Variants in ATF7IP observed in about 807,000 individuals in gnomAD.
The protein encoded by ATF7IP is activating transcription factor 7-interacting protein 1.
ATF7IP carries 23 observed loss-of-function variants against 106.4 expected under a neutral mutation model. The ratio of observed to expected loss-of-function variants is 0.22; its 90% CI spans 0.16 to 0.31. The LOEUF is 0.31. ATF7IP is among the 10% of genes least tolerant of loss of function. ATF7IP has a pLI of 1.00. For missense variants in ATF7IP, 1,334 were observed against 1,524.3 expected (o/e 0.88, Z 2.08); for synonymous variants, 542 against 539.0 (o/e 1.01, Z -0.08).
At chr12:14,461,530 C>G (rs1470163590) in intron 9 of ATF7IP, among the ~76,000 whole-genome samples, 1 of 152,096 alleles carries the variant, frequency 6.6e-6, no homozygotes, top group Non-Finnish European at 1.5e-5. Context: ...GTTCCTTACC[C>G]ATTTGGAAAA....
chr12:14,425,099 G>A lies in ATF7IP; in HGVS notation c.1184G>A (p.Gly395Asp). 3.8e-6 allele frequency: 6 copies of A among 1,589,476 alleles called. No individual in the cohort carries two copies. The highest frequency in any genetic ancestry group is 1.9e-5 in the Admixed American group (1 of 52,594). The change falls in exon 2 of 15, where the codon GGT becomes GAT. Residue 395 changes from glycine (G) to aspartate (D), a missense_variant. By Grantham distance (94) the Gly-to-Asp change is moderately conservative. Coordinates refer to ENST00000261168, the MANE Select transcript of ATF7IP (RefSeq NM_018179.5). ...TCTAGCAGTATGGAAATTGACCAAG[G>A]TGAAAAGAATGAAGATGAAACTTCT... ...AISSSMEIDQ[G>D]EKNEDETSAD...
At chr12:14,492,924 T>C (rs141742896) in intron 13 of ATF7IP, among the ~76,000 whole-genome samples, 4 of 152,328 alleles carry the variant, frequency 2.6e-5, no homozygotes, top group African/African-American at 9.6e-5. Context: ...CGCAAGGCAT[T>C]GGTCAAGGGT....
At chr12:14,477,892 ACTAT>A (rs1472711543) in intron 11 of ATF7IP, among the ~76,000 whole-genome samples, 2 of 152,226 alleles carry the variant, frequency 1.3e-5, no homozygotes, top group African/African-American at 2.4e-5. Flanking sequence ...ATGATAAGCA[ACTAT>A]CTGTTATCAA....
intron 1 of ATF7IP, among the ~76,000 whole-genome samples, chr12:14,378,386 C>G (rs1938851475): frequency 6.6e-6 from 1 of 152,170 alleles, no homozygotes; most frequent in Non-Finnish European, 1.5e-5. Context: ...GCGTGAGTCA[C>G]CATGCCCGGC....
intron 1 of ATF7IP, among the ~76,000 whole-genome samples, chr12:14,383,288 A>G (rs1039568656): frequency 6.6e-6 from 1 of 152,256 alleles, no homozygotes; most frequent in African/African-American, 2.4e-5. Flanking sequence ...CAGGATTTAC[A>G]TTGGAAAAGT....
intron 1 of ATF7IP, among the ~76,000 whole-genome samples, chr12:14,396,973 T>G (rs893709893): frequency 1.3e-5 from 2 of 151,962 alleles, no homozygotes; most frequent in Non-Finnish European, 2.9e-5. Flanking sequence ...CCAGCCTGAC[T>G]AACATGGTGA....
At chr12:14,456,098 TA>T (rs1356507300) in intron 6 of ATF7IP, among the ~76,000 whole-genome samples, 2 of 152,168 alleles carry the variant, frequency 1.3e-5, no homozygotes, top group Non-Finnish European at 2.9e-5. Context: ...AAAAACAACT[TA>T]AAAATAATTT....
Position 14,373,345 on chromosome 12 carries a change from T to G in ATF7IP, c.-8+7518T>G, listed in dbSNP as rs372328139. Among the ~76,000 whole-genome samples the G allele has an allele frequency of 9.8e-5, 15 of 152,328 alleles. No individual in the cohort carries two copies. The East Asian group carries it at 2.5e-3, about 25-fold the overall frequency. On this transcript the variant is annotated intron_variant, in intron 1 of 14. Transcript: ENST00000261168. ...TGTAACCATACAAAGTAAGACTGTT[T>G]AGAGTTTGTAAGTGGTTTTGCCTTA... is the stretch of plus-strand genomic sequence containing the variant.
chr12:14,398,675 T>A (rs929631380), intron 1 of ATF7IP, among the ~76,000 whole-genome samples: 14 of 152,062 alleles, frequency 9.2e-5, no homozygotes, highest in Non-Finnish European at 1.8e-4. Context: ...CATAGATTTA[T>A]TTCTGATTGT....
Position 14,500,883 on chromosome 12 carries a change from A to G in ATF7IP, c.*2810A>G, listed in dbSNP as rs550684126. The G allele has an allele frequency of 2.6e-5, 4 of 152,336 alleles. No individual in the cohort carries two copies. In the South Asian group the frequency reaches 8.3e-4, roughly 32 times the overall value. The allele number at this position is 152,336 out of a possible 1,614,324, so 9.4% of individuals were successfully genotyped here. On this transcript the variant is annotated 3_prime_UTR_variant, in exon 15 of 15. Coordinates refer to ENST00000261168, the MANE Select transcript of ATF7IP (RefSeq NM_018179.5). ...CTAAAAATATTTACTAAAGTAAAAT[A>G]ACTACTTAAAATGTTTTATTCCAGT...
chr12:14,481,345 A>G, intron 13 of ATF7IP, 160 bp downstream of exon 13: 1 of 646,612 alleles, frequency 1.5e-6, no homozygotes. Context: ...CAACATAGAA[A>G]CTATAGTATA....
intron 2 of ATF7IP, among the ~76,000 whole-genome samples, chr12:14,426,357 T>C (rs1941845797): frequency 6.6e-6 from 1 of 152,084 alleles, no homozygotes; most frequent in Admixed American, 6.5e-5. Context: ...TTATATCACA[T>C]TCTTTTAGAT....
chr12:14,481,598 CT>C (rs1454550369), intron 13 of ATF7IP: 2 of 433,248 alleles, frequency 4.6e-6, no homozygotes, highest in Non-Finnish European at 9.1e-6. Context: ...TATTATTTTT[CT>C]TCCCTTAGGA....
intron 13 of ATF7IP, among the ~76,000 whole-genome samples, chr12:14,487,534 C>T (rs913197164): frequency 6.6e-6 from 1 of 152,276 alleles, no homozygotes; most frequent in African/African-American, 2.4e-5. Flanking sequence ...AGACTGATGG[C>T]AGCATGGATC....
At chr12:14,457,120 CT>C (rs1244819056) in intron 7 of ATF7IP, 86 bp from the exon 8 acceptor site, 2 of 1,148,340 alleles carry the variant, frequency 1.7e-6, no homozygotes, top group South Asian at 2.7e-5. Flanking sequence ...CCTTTTTCCC[CT>C]GTGGGCCACT....
chr12:14,427,124 G>T lies in ATF7IP; in HGVS notation c.1558+1651G>T, dbSNP rs577001864. On this transcript the variant is annotated intron_variant, in intron 2 of 14. Coordinates refer to ENST00000261168, the MANE Select transcript of ATF7IP (RefSeq NM_018179.5). ...TGTATAACAGAGGTTTTTTTTGTTT[G>T]CTTGTTTTTGTTTTGTGAGACAGAG... is the stretch of plus-strand genomic sequence containing the variant. Among the ~76,000 whole-genome samples, 3 of 151,836 alleles carry T rather than the reference G, an allele frequency of 2.0e-5. No individual in the cohort carries two copies. In the East Asian group the frequency reaches 5.8e-4, roughly 29 times the overall value.
At position 14,424,501 on chromosome 12, in the gene ATF7IP, G is replaced by T; in HGVS notation, c.586G>T (p.Ala196Ser). 1 of 1,613,944 alleles carries T rather than the reference G, an allele frequency of 6.2e-7. No homozygotes were observed. Among genetic ancestry groups the T allele is most frequent in the South Asian group, 1.1e-5 (1 of 91,074 alleles). The change falls in exon 2 of 15, where the codon GCT (alanine) becomes TCT (serine). Residue 196 changes from alanine to serine, a missense_variant. Ala to Ser is a moderately conservative substitution (Grantham distance 99, BLOSUM62 1). Coordinates refer to ENST00000261168, the MANE Select transcript of ATF7IP (RefSeq NM_018179.5). ...PGDATSGDATADDLSSGDPTS... is the reference protein window; with the variant it reads ...PGDATSGDATSDDLSSGDPTS... ...TGATGCCACCTCTGGTGATGCCACT[G>T]CTGATGATCTCTCCTCTGGTGATCC... is the stretch of plus-strand genomic sequence containing the variant.
chr12:14,491,787 G>A (rs778229357), intron 13 of ATF7IP, among the ~76,000 whole-genome samples: 19 of 152,208 alleles, frequency 1.2e-4, no homozygotes, highest in Non-Finnish European at 2.2e-4. Flanking sequence ...TTCTCAAGGA[G>A]TGAAACCACA....
intron 5 of ATF7IP, among the ~76,000 whole-genome samples, chr12:14,443,973 C>T (rs946899421): frequency 6.6e-6 from 1 of 151,870 alleles, no homozygotes; most frequent in African/African-American, 2.4e-5. Context: ...ATTTTAAGAC[C>T]ATTATGAAGA....
Sources: allele counts gnomAD v4.1 joint callset (sites outside exome capture counted in the v4.1 genomes callset), GRCh38; gene constraint gnomAD v4.1.1; transcripts MANE v1.5; gene names NCBI Gene and HGNC (gene_info 2026-07-23, HGNC 2026-07-21).